Variants in KDM4C observed in about 807,000 individuals in gnomAD.
KDM4C encodes the protein lysine-specific demethylase 4C.
A neutral mutation model predicts 129.3 loss-of-function variants in KDM4C; 81 were observed. The observed-to-expected ratio is 0.63, with a 90% CI of 0.52 to 0.75. The LOEUF (loss-of-function observed/expected upper bound fraction) is 0.75, where lower values mean the gene tolerates loss of function less well. Among genes scored for constraint, KDM4C ranks in the 30% least tolerant of loss-of-function variants. KDM4C has a pLI of 0.00. For synonymous variants in KDM4C, 573 were observed against 456.1 expected (o/e 1.26, Z -3.26); for missense variants, 1,457 against 1,304.0 (o/e 1.12, Z -1.81).
rs1158199897 is a variant in KDM4C, at chr9:6,944,652, G to GTTTTTTTTTTTTTTTTTTTTTTT, written c.922-36251_922-36250insTTTTTTTTTTTTTTTTTTTTTTT. On this transcript the variant is annotated intron_variant, in intron 8 of 21. Coordinates refer to ENST00000381309, the MANE Select transcript of KDM4C (RefSeq NM_015061.6). ...CAACACACTTTTTGTCAAGGTAGAG[G>GTTTTTTTTTTTTTTTTTTTTTTT]TTTTTTTTTTTTTTTTTTTTTTGCC... Among the ~76,000 whole-genome samples the GTTTTTTTTTTTTTTTTTTTTTTT allele has an allele frequency of 1.9e-4, 15 of 80,994 alleles. 2 individuals carry two copies. Among genetic ancestry groups the GTTTTTTTTTTTTTTTTTTTTTTT allele is most frequent in the East Asian group, 4.5e-4 (1 of 2,214 alleles). 53.1% of individuals were successfully genotyped at this position (80,994 alleles called of 152,430 possible). A position where few individuals can be genotyped will look rare whatever the true frequency, so the allele number is the denominator to read the frequency against.
intron 17 of KDM4C, among the ~76,000 whole-genome samples, chr9:7,084,693 A>G (rs1238514785): frequency 6.6e-6 from 1 of 152,208 alleles, no homozygotes; most frequent in Non-Finnish European, 1.5e-5. Context: ...CACAGTAATA[A>G]TACTATTGCT....
chr9:7,108,999 C>G (rs1838015378), intron 18 of KDM4C, among the ~76,000 whole-genome samples: 1 of 152,134 alleles, frequency 6.6e-6, no homozygotes, highest in Non-Finnish European at 1.5e-5. Context: ...GGGAGAGACT[C>G]CAAAACATTC....
chr9:6,836,948 G>A (rs1170286807), intron 4 of KDM4C, among the ~76,000 whole-genome samples: 7 of 152,174 alleles, frequency 4.6e-5, no homozygotes, highest in African/African-American at 1.4e-4. Context: ...TTTCTCAAAG[G>A]TATTTACGTA....
chr9:7,141,910 C>A (rs758345117), intron 19 of KDM4C, among the ~76,000 whole-genome samples: 1 of 152,034 alleles, frequency 6.6e-6, no homozygotes, highest in Non-Finnish European at 1.5e-5. Context: ...TGACCAGGCA[C>A]TTCATCTCTA....
intron 2 of KDM4C, among the ~76,000 whole-genome samples, chr9:6,804,278 C>T (rs1234774496): frequency 6.6e-6 from 1 of 152,190 alleles, no homozygotes; most frequent in Non-Finnish European, 1.5e-5. Flanking sequence ...TAGTGCACAT[C>T]TCTTCCCAGC....
At chr9:6,959,204 T>C (rs1829620828) in intron 8 of KDM4C, among the ~76,000 whole-genome samples, 1 of 152,224 alleles carries the variant, frequency 6.6e-6, no homozygotes, top group South Asian at 2.1e-4. Context: ...GAGAGCCCAG[T>C]TTTCTTCATG....
intron 8 of KDM4C, among the ~76,000 whole-genome samples, chr9:6,976,064 G>A (rs1289293885): frequency 6.9e-6 from 1 of 144,582 alleles, no homozygotes; most frequent in Non-Finnish European, 1.5e-5. Flanking sequence ...ATCAGTTAGG[G>A]GATTATACCT....
chr9:6,925,141 A>C (rs183774871), intron 8 of KDM4C: 1 of 985,412 alleles, frequency 1.0e-6, no homozygotes, highest in East Asian at 1.1e-4. Flanking sequence ...ATGGATGCCA[A>C]GCAGTGCCTC....
intron 8 of KDM4C, among the ~76,000 whole-genome samples, chr9:6,931,335 G>T (rs1370870525): frequency 6.6e-6 from 1 of 151,994 alleles, no homozygotes; most frequent in East Asian, 1.9e-4. Flanking sequence ...AAACTTGCTA[G>T]AGTTAATTTT....
intron 1 of KDM4C, among the ~76,000 whole-genome samples, chr9:6,735,408 G>A (rs1817496095): frequency 2.0e-5 from 3 of 152,088 alleles, no homozygotes; most frequent in African/African-American, 7.2e-5. Context: ...ATATGCTTTG[G>A]CTGTGTCCCC....
chr9:6,863,535 G>T (rs987125707), intron 5 of KDM4C, among the ~76,000 whole-genome samples: 2 of 151,964 alleles, frequency 1.3e-5, no homozygotes, highest in African/African-American at 4.8e-5. Context: ...CATGGCTCAC[G>T]GCTGTAATCC....
intron 1 of KDM4C, among the ~76,000 whole-genome samples, chr9:6,782,225 G>A (rs4742263): frequency 0.62 from 94,412 of 152,038 alleles, 29,702 homozygotes; most frequent in African/African-American, 0.71. Context: ...TAAAAAGGAC[G>A]TTGTCAGTTG....
chr9:6,761,923 C>T (rs1819616086), intron 1 of KDM4C, among the ~76,000 whole-genome samples: 1 of 152,058 alleles, frequency 6.6e-6, no homozygotes, highest in Admixed American at 6.6e-5. Context: ...TTCTCCTCCT[C>T]AGCCTCCCGA....
intron 17 of KDM4C, among the ~76,000 whole-genome samples, chr9:7,094,705 C>T (rs77989070): frequency 8.5e-5 from 13 of 152,170 alleles, no homozygotes; most frequent in East Asian, 5.8e-4. Context: ...AAAGGTCACC[C>T]GGGACATGTC....
chr9:6,988,980 A>G (rs906761732), intron 11 of KDM4C, among the ~76,000 whole-genome samples: 1 of 151,890 alleles, frequency 6.6e-6, no homozygotes, highest in African/African-American at 2.4e-5. Flanking sequence ...TTTATTATGT[A>G]TTCCCTTACC....
chr9:6,729,122 T>TAAAAAAAAGAAAAAAAAAAAGGCTAGTCA (rs1563913049), intron 1 of KDM4C, among the ~76,000 whole-genome samples: 1 of 122,664 alleles, frequency 8.2e-6, no homozygotes, highest in African/African-American at 3.6e-5. Context: ...GAGAATTGCT[T>TAAAAAAAAGAAAAAAAAAAAGGCTAGTCA]GAACCCGGGA....
intron 17 of KDM4C, among the ~76,000 whole-genome samples, chr9:7,063,279 G>A (rs373439351): frequency 1.3e-5 from 2 of 152,238 alleles, no homozygotes; most frequent in East Asian, 3.9e-4. Context: ...TATTGCTTGC[G>A]AGTGAACATT....
At chr9:7,006,899 T>A (rs1821773276) in intron 12 of KDM4C, among the ~76,000 whole-genome samples, 1 of 152,238 alleles carries the variant, frequency 6.6e-6, no homozygotes, top group Non-Finnish European at 1.5e-5. Context: ...AGGAGTTTCA[T>A]CTATAGGCAA....
At chr9:7,035,668 T>C (rs1440987535) in intron 15 of KDM4C, among the ~76,000 whole-genome samples, 1 of 152,112 alleles carries the variant, frequency 6.6e-6, no homozygotes, top group African/African-American at 2.4e-5. Context: ...TTGTATAGGG[T>C]GAGAAGTGGG....
Sources: allele counts gnomAD v4.1 joint callset (sites outside exome capture counted in the v4.1 genomes callset), GRCh38; gene constraint gnomAD v4.1.1; transcripts MANE v1.5; gene names NCBI Gene and HGNC (gene_info 2026-07-23, HGNC 2026-07-21).